TRHDE: variants seen among roughly 807,000 people sequenced by gnomAD.
TRHDE encodes thyrotropin-releasing hormone-degrading ectoenzyme.
A neutral mutation model predicts 125.7 loss-of-function variants in TRHDE; 72 were observed. That is an observed-to-expected ratio of 0.57 (90% CI 0.47 to 0.70). The LOEUF is 0.70. Ranked by LOEUF, TRHDE falls within the 30% of genes least tolerant of loss-of-function variation. The pLI, the probability that TRHDE is intolerant of heterozygous loss-of-function variation, is 0.00. For synonymous variants in TRHDE, 509 were observed against 509.1 expected, an observed-to-expected ratio of 1.00 and a Z score of 0.00; for missense variants, 1,110 against 1,327.1, an observed-to-expected ratio of 0.84 and a Z score of 2.54.
chr12:72,099,942 A>C (rs1268032229), intron 1 of TRHDE, among the ~76,000 whole-genome samples: 1 of 152,184 alleles, frequency 6.6e-6, no homozygotes. Context: ...AATCCCAGGA[A>C]AATATCTGGA....
In TRHDE at chr12:72,667,845, C is replaced by T. The variant is rs970201488; in HGVS notation, c.*4650C>T. The T allele has an allele frequency of 1.3e-5, 2 of 151,610 alleles. No homozygotes were observed. Among genetic ancestry groups the T allele is most frequent in the African/African-American group, 2.4e-5 (1 of 41,366 alleles). 9.4% of individuals were successfully genotyped at this position (151,610 alleles called of 1,614,324 possible). ...GGATGGAATTTATCCTTAAGAAAAG[C>T]TGTTTAAACAATTTAGTAGTATTAG... On this transcript the variant is annotated 3_prime_UTR_variant, in exon 19 of 19. Coordinates refer to ENST00000261180, the MANE Select transcript of TRHDE (RefSeq NM_013381.3).
intron 2 of TRHDE, among the ~76,000 whole-genome samples, chr12:72,230,245 T>G (rs1383767577): frequency 1.3e-5 from 2 of 152,186 alleles, no homozygotes; most frequent in Non-Finnish European, 2.9e-5. Flanking sequence ...TTAATAATGC[T>G]CTTTGTTTTC....
chr12:72,284,999 A>C (rs2139425537), intron 1 of TRHDE, among the ~76,000 whole-genome samples: 1 of 152,324 alleles, frequency 6.6e-6, no homozygotes, highest in African/African-American at 2.4e-5. Context: ...TGCTATTTCC[A>C]AGATAACTCT....
At chr12:72,367,066 C>T (rs1871366914) in intron 2 of TRHDE, among the ~76,000 whole-genome samples, 1 of 151,954 alleles carries the variant, frequency 6.6e-6, no homozygotes, top group African/African-American at 2.4e-5. Context: ...TCATCATGTG[C>T]CTCCTTCTTA....
intron 2 of TRHDE, among the ~76,000 whole-genome samples, chr12:72,213,199 G>A (rs1012521949): frequency 9.2e-5 from 14 of 152,086 alleles, no homozygotes; most frequent in African/African-American, 3.4e-4. Context: ...GTGGGGGAGT[G>A]TATTGAGAGT....
At chr12:72,448,687 T>A (rs1218616927) in intron 3 of TRHDE, among the ~76,000 whole-genome samples, 1 of 151,936 alleles carries the variant, frequency 6.6e-6, no homozygotes, top group Non-Finnish European at 1.5e-5. Context: ...TTAGAGTATG[T>A]AAAATGCTAT....
At chr12:72,558,042 GGA>G (rs140602723) in intron 7 of TRHDE, among the ~76,000 whole-genome samples, 11 of 149,560 alleles carry the variant, frequency 7.4e-5, no homozygotes, top group Non-Finnish European at 7.5e-5. Context: ...GGGAGAGAGA[GGA>G]GAGAGAGAGA....
At chr12:72,160,877 C>T (rs1294452304) in intron 2 of TRHDE, among the ~76,000 whole-genome samples, 4 of 152,144 alleles carry the variant, frequency 2.6e-5, no homozygotes, top group African/African-American at 9.7e-5. Flanking sequence ...CAATGTACTT[C>T]AAATTTATTA....
At chr12:72,255,080 T>C (rs1458832785) in intron 2 of TRHDE, 1 of 152,226 alleles carries the variant, frequency 6.6e-6, no homozygotes, top group Non-Finnish European at 1.5e-5. Flanking sequence ...ATGCCAAAGA[T>C]AATGATCACT....
rs1407723702 is a variant in TRHDE, at chr12:72,663,287, G to A, written c.*92G>A. On this transcript the variant is annotated 3_prime_UTR_variant, in exon 19 of 19. Transcript: ENST00000261180. ...GAGGAAAATGTACTACCTAGAAAAT[G>A]GCCAGATTTTCAGTGTTAACGTGTG... is the stretch of plus-strand genomic sequence containing the variant. The A allele has an allele frequency of 1.8e-6, 2 of 1,089,456 alleles. No individual in the cohort carries two copies. The highest frequency in any genetic ancestry group is 2.5e-6 in the Non-Finnish European group (2 of 815,832). 67.5% of individuals were successfully genotyped at this position (1,089,456 alleles called of 1,614,324 possible).
chr12:72,237,658 T>C (rs1878360811), intron 2 of TRHDE, among the ~76,000 whole-genome samples: 1 of 152,160 alleles, frequency 6.6e-6, no homozygotes, highest in Non-Finnish European at 1.5e-5. Flanking sequence ...CCCGCCACCT[T>C]GTAAAGAAGG....
intron 2 of TRHDE, among the ~76,000 whole-genome samples, chr12:72,261,926 C>A (rs1878958888): frequency 6.6e-6 from 1 of 152,094 alleles, no homozygotes; most frequent in Non-Finnish European, 1.5e-5. Context: ...TGAGAAAGAA[C>A]TGAAGAACAC....
At chr12:72,105,180 C>T (rs1034712179) in intron 1 of TRHDE, among the ~76,000 whole-genome samples, 1 of 152,118 alleles carries the variant, frequency 6.6e-6, no homozygotes, top group Non-Finnish European at 1.5e-5. Flanking sequence ...AGCAGCAGTA[C>T]AAGGAAGTAC....
chr12:72,634,847 C>T (rs1448695267), intron 15 of TRHDE, among the ~76,000 whole-genome samples: 4 of 151,750 alleles, frequency 2.6e-5, no homozygotes, highest in African/African-American at 9.7e-5. Flanking sequence ...TTTTTTATGG[C>T]TGCATAGTAT....
At chr12:72,511,325 T>C (rs1392970450) in intron 6 of TRHDE, among the ~76,000 whole-genome samples, 2 of 152,196 alleles carry the variant, frequency 1.3e-5, no homozygotes, top group African/African-American at 4.8e-5. Context: ...CTTTTTGTTA[T>C]AAATATAGAA....
rs140384624 is a variant in TRHDE at position 72,208,191 on chromosome 12, C to T, written n.279+102439C>T. Among the ~76,000 whole-genome samples the T allele has an allele frequency of 6.0e-4, 92 of 152,288 alleles. 1 individual carries two copies. The East Asian group carries it at 0.017, about 27-fold the overall frequency. On this transcript the variant is annotated intron_variant and non_coding_transcript_variant, in intron 2 of 4. Coordinates refer to the TRHDE transcript ENST00000548156. ...CATATTCCACCCTCTGCCCTTTATA[C>T]ACACACTCACACACACATTCACACA...
chr12:72,532,115 T>C (rs1868586719), intron 6 of TRHDE, among the ~76,000 whole-genome samples: 1 of 152,070 alleles, frequency 6.6e-6, no homozygotes, highest in African/African-American at 2.4e-5. Context: ...TTAAGTTCTA[T>C]AATTTTCTCC....
At chr12:72,131,994 A>G (rs1324549223) in intron 2 of TRHDE, among the ~76,000 whole-genome samples, 1 of 152,188 alleles carries the variant, frequency 6.6e-6, no homozygotes, top group Non-Finnish European at 1.5e-5. Flanking sequence ...ACAACCTACT[A>G]TAGAGCTTAT....
At chr12:72,115,354 C>T (rs1487777679) in intron 2 of TRHDE, among the ~76,000 whole-genome samples, 2 of 151,782 alleles carry the variant, frequency 1.3e-5, no homozygotes, top group Non-Finnish European at 2.9e-5. Flanking sequence ...TAGTTCCGTC[C>T]ATGTTGTTGC....
Sources: gnomAD v4.1 joint callset for allele counts (sites outside exome capture counted in the v4.1 genomes callset) on GRCh38, gnomAD v4.1.1 for gene constraint, MANE v1.5 for transcripts, NCBI Gene and HGNC (gene_info 2026-07-23, HGNC 2026-07-21) for gene names.